Variants in RAB18 observed in about 807,000 individuals in gnomAD.
RAB18 encodes the protein ras-related protein Rab-18.
Under a neutral mutation model 28.5 loss-of-function variants are expected in RAB18, and 10 were observed. The observed-to-expected ratio is 0.35, with a 90% confidence interval of 0.22 to 0.60. The LOEUF (loss-of-function observed/expected upper bound fraction) is 0.60. RAB18 is among the 20% of genes least tolerant of loss of function. The pLI is 0.78. For synonymous variants in RAB18, 93 were observed against 86.9 expected (o/e 1.07, Z -0.39); for missense variants, 188 against 244.2 (o/e 0.77, Z 1.53).
intron 1 of RAB18, 81 bp from the exon 2 acceptor site, chr10:27,509,794 G>C: frequency 8.6e-7 from 1 of 1,169,232 alleles, no homozygotes; most frequent in Non-Finnish European, 1.3e-6. Flanking sequence ...CTAATAATTT[G>C]TGACCAAATA....
rs1395564975 is a variant in RAB18 at position 27,540,982 on chromosome 10, A to G, written c.*2931A>G. ...CCTAATAACCATAGTGTCTTTAAGT[A>G]CAACTTAATACATATTTTTTCTGTG... On this transcript the variant is annotated 3_prime_UTR_variant, in exon 7 of 7. Transcript: ENST00000356940. 2.2e-6 allele frequency: 1 copy of G among 453,510 alleles called. No individual in the cohort carries two copies. The highest frequency in any genetic ancestry group is 4.4e-6 in the Non-Finnish European group (1 of 226,664). 28.1% of individuals were successfully genotyped at this position (453,510 alleles called of 1,614,324 possible).
intron 3 of RAB18, among the ~76,000 whole-genome samples, chr10:27,530,377 G>C (rs890373075): frequency 9.3e-5 from 14 of 150,284 alleles, no homozygotes; most frequent in African/African-American, 3.4e-4. Flanking sequence ...GTAATTCACT[G>C]TTCCAAATCC....
rs1020561095 is a variant in RAB18 at position 27,541,730 on chromosome 10, A to G, written c.*3679A>G. On this transcript the variant is annotated 3_prime_UTR_variant, in exon 7 of 7. Coordinates refer to ENST00000356940, the MANE Select transcript of RAB18 (RefSeq NM_021252.5). ...TTACTAGTGAGCTTGAGTACTTTTA[A>G]TATTTTATTGGATATGTTTGTGACT... 1.6e-5 allele frequency: 7 copies of G among 451,396 alleles called. No individual in the cohort carries two copies. The highest frequency in any genetic ancestry group is 1.4e-4 in the African/African-American group (7 of 49,488). The allele number at this position is 451,396 out of a possible 1,614,324, so 28.0% of individuals were successfully genotyped here. A position where few individuals can be genotyped will look rare whatever the true frequency, so the allele number is the denominator to read the frequency against.
chr10:27,535,911 G>A (rs571916874), intron 6 of RAB18, among the ~76,000 whole-genome samples: 5 of 152,080 alleles, frequency 3.3e-5, no homozygotes, highest in South Asian at 2.1e-4. Flanking sequence ...GTGAAACCCC[G>A]TCTCTACTAA....
intron 2 of RAB18, among the ~76,000 whole-genome samples, chr10:27,511,399 G>T (rs897192101): frequency 2.0e-5 from 3 of 151,990 alleles, no homozygotes; most frequent in Non-Finnish European, 2.9e-5. Context: ...TAGAGACGGG[G>T]TTTACCATGT....
intron 2 of RAB18, among the ~76,000 whole-genome samples, chr10:27,525,682 C>T (rs976845337): frequency 6.6e-6 from 1 of 152,082 alleles, no homozygotes; most frequent in Non-Finnish European, 1.5e-5. Context: ...TCCTTTATCA[C>T]CCCAGCTCAA....
rs185192249 is a variant in RAB18 at position 27,520,166 on chromosome 10, T to C, written c.125-6662T>C. 7.9e-5 allele frequency among the ~76,000 whole-genome samples: 12 copies of C among 152,348 alleles called. 1 individual carries two copies. The highest frequency in any genetic ancestry group is 2.6e-4 in the African/African-American group (11 of 41,588). ...TTGATTACTGATTCAATCTTCTTAC[T>C]AGTTATGGGTCTATTCAAGTTTTCT... On this transcript the variant is annotated intron_variant, in intron 2 of 6. Transcript: ENST00000356940.
chr10:27,504,824 C>G, intron 1 of RAB18: 1 of 476,640 alleles, frequency 2.1e-6, no homozygotes, highest in Middle Eastern at 3.3e-4. Flanking sequence ...CTGCCTGCCA[C>G]CCCGAGACCC....
At chr10:27,504,798 C>G in intron 1 of RAB18, 1 of 515,784 alleles carries the variant, frequency 1.9e-6, no homozygotes, top group Non-Finnish European at 3.9e-6. Context: ...TTGCCTCGAA[C>G]CTCTCGGGGT....
chr10:27,519,186 A>G (rs1834498989), intron 2 of RAB18, among the ~76,000 whole-genome samples: 1 of 152,102 alleles, frequency 6.6e-6, no homozygotes, highest in South Asian at 2.1e-4. Context: ...ACTTTAAACT[A>G]AAAAAGAAAT....
At chr10:27,520,965 T>C (rs1834540110) in intron 2 of RAB18, among the ~76,000 whole-genome samples, 1 of 149,346 alleles carries the variant, frequency 6.7e-6, no homozygotes, top group Non-Finnish European at 1.5e-5. Flanking sequence ...TCTCTTAACA[T>C]TTCTTTCACG....
At chr10:27,530,022 A>C (rs1280980921) in intron 3 of RAB18, among the ~76,000 whole-genome samples, 1 of 152,002 alleles carries the variant, frequency 6.6e-6, no homozygotes, top group East Asian at 1.9e-4. Context: ...GGATTTATGG[A>C]TATTTTAACT....
rs1247502525 is a variant in RAB18 at position 27,539,291 on chromosome 10, A to C, written c.*1240A>C. On this transcript the variant is annotated 3_prime_UTR_variant, in exon 7 of 7. Transcript: ENST00000356940. ...TTGTCCTTTAAGGTTGGTTACTATAATACCCCTCAGTAAGATTCCAGTATT... is the reference window on the plus strand; with the variant it reads ...TTGTCCTTTAAGGTTGGTTACTATACTACCCCTCAGTAAGATTCCAGTATT... The C allele has an allele frequency of 1.3e-5, 4 of 303,552 alleles. No individual in the cohort carries two copies. In the East Asian group the frequency reaches 3.6e-4, roughly 27 times the overall value. 18.8% of individuals were successfully genotyped at this position (303,552 alleles called of 1,614,324 possible).
intron 3 of RAB18, chr10:27,528,210 T>C (rs1834717953): frequency 4.7e-6 from 2 of 421,848 alleles, no homozygotes; most frequent in Non-Finnish European, 9.3e-6. Flanking sequence ...TCTCATAGTT[T>C]CGTTTTGTTT....
At chr10:27,526,737 A>T in intron 2 of RAB18, 91 bp from the exon 3 acceptor site, 1 of 1,532,802 alleles carries the variant, frequency 6.5e-7, no homozygotes, top group Non-Finnish European at 9.0e-7. Flanking sequence ...GCATTTGATA[A>T]TAGTGACTTT....
intron 2 of RAB18, among the ~76,000 whole-genome samples, chr10:27,513,034 T>TATATATATATATATATA (rs200640744): frequency 8.6e-5 from 10 of 116,404 alleles, no homozygotes; most frequent in African/African-American, 3.2e-4. Flanking sequence ...ATATATATAT[T>TATATATATATATATATA]TTTTTTTTTT....
intron 3 of RAB18, chr10:27,531,571 C>A: frequency 7.6e-7 from 1 of 1,321,494 alleles, no homozygotes; most frequent in Non-Finnish European, 1.1e-6. Flanking sequence ...CTTAAAGAGC[C>A]AGATAGGAAA....
intron 3 of RAB18, chr10:27,531,517 A>C: frequency 6.5e-7 from 1 of 1,537,158 alleles, no homozygotes; most frequent in Non-Finnish European, 8.8e-7. Context: ...TTTTACTTTT[A>C]CTTTTCTTTA....
At chr10:27,531,352 C>T (rs1325614368) in intron 3 of RAB18, among the ~76,000 whole-genome samples, 1 of 151,992 alleles carries the variant, frequency 6.6e-6, no homozygotes, top group South Asian at 2.1e-4. Context: ...CTTGCTGAAG[C>T]CCCTCACGCC....
Sources: gnomAD v4.1 joint callset for allele counts (sites outside exome capture counted in the v4.1 genomes callset) on GRCh38, gnomAD v4.1.1 for gene constraint, MANE v1.5 for transcripts, NCBI Gene and HGNC (gene_info 2026-07-23, HGNC 2026-07-21) for gene names.